The following GLYATL3 variants were observed in gnomAD, a reference collection of about 807,000 sequenced individuals.
GLYATL3 encodes glycine N-acyltransferase-like protein 3.
GLYATL3 carries 31 observed loss-of-function variants against 28.5 expected under a neutral mutation model. That is an observed-to-expected ratio of 1.09 (90% CI 0.82 to 1.47). GLYATL3 has a LOEUF of 1.47. Ranked by LOEUF, GLYATL3 falls within the 40% of genes most tolerant of loss-of-function variation. GLYATL3 has a pLI of 0.00. For missense variants in GLYATL3, 369 were observed against 351.5 expected, an observed-to-expected ratio of 1.05 and a Z score of -0.40; for synonymous variants, 141 against 140.2, an observed-to-expected ratio of 1.01 and a Z score of -0.04.
At chr6:49,526,089 A>T (rs911559666) in intron 5 of GLYATL3, among the ~76,000 whole-genome samples, 3 of 152,168 alleles carry the variant, frequency 2.0e-5, no homozygotes, top group Non-Finnish European at 2.9e-5. Context: ...GTGCCCTCTC[A>T]GGGATGGTTT....
chr6:49,501,426 A>C (rs917542555), intron 1 of GLYATL3, among the ~76,000 whole-genome samples: 1 of 152,182 alleles, frequency 6.6e-6, no homozygotes, highest in Non-Finnish European at 1.5e-5. Flanking sequence ...ACCAGCATTT[A>C]TTATTAAGTT....
In GLYATL3 at chr6:49,521,661, A is replaced by C. The variant is rs1231627638; in HGVS notation, c.330A>C (p.Leu110Phe). ...TATACACAGGGCTGCAGAGTGAGTT[A>C]TATGATGTTTCCAAAGCGGTTGCCA... ...VFQIQGLQSE[L>F]YDVSKAVANS... The change falls in exon 5 of 6, where the codon TTA becomes TTC. Residue 110 changes from leucine (L) to phenylalanine (F), a missense_variant. Physicochemically the swap from Leu to Phe is conservative, Grantham distance 22 (BLOSUM62 0). Transcript: ENST00000371197. 1.3e-6 allele frequency: 2 copies of C among 1,551,010 alleles called. No homozygotes were observed.
intron 3 of GLYATL3, 41 bp downstream of exon 3, chr6:49,515,801 T>C (rs1211942628): frequency 8.4e-7 from 1 of 1,193,428 alleles, no homozygotes; most frequent in Admixed American, 2.0e-5. Context: ...ATAATAAGAA[T>C]TGGAAAGAAA....
intron 1 of GLYATL3, among the ~76,000 whole-genome samples, chr6:49,511,232 G>A (rs1175379739): frequency 2.6e-5 from 4 of 152,124 alleles, no homozygotes; most frequent in Admixed American, 6.5e-5. Flanking sequence ...CAAAGCAGGC[G>A]AGGTGAAGCC....
intron 5 of GLYATL3, 130 bp downstream of exon 5, chr6:49,521,901 G>C: frequency 2.7e-6 from 2 of 739,946 alleles, no homozygotes; most frequent in Non-Finnish European, 4.4e-6. Flanking sequence ...GAGCACAAAC[G>C]GGAGTATGTG....
At chr6:49,504,240 C>CTTT (rs59768534) in intron 1 of GLYATL3, among the ~76,000 whole-genome samples, 23 of 139,296 alleles carry the variant, frequency 1.7e-4, no homozygotes, top group South Asian at 9.3e-4. Context: ...TTTTCTTTTT[C>CTTT]TTTTTTTTTT....
rs910601454 is a variant in GLYATL3 at position 49,500,839 on chromosome 6, T to G, written c.-29+797T>G. 2.0e-5 allele frequency among the ~76,000 whole-genome samples: 3 copies of G among 152,160 alleles called. No individual in the cohort carries two copies. The East Asian group carries it at 5.8e-4, about 29-fold the overall frequency. The stretch of plus-strand genomic sequence containing the variant: ...ATGACTCTCTAACATGTTACAAAAA[T>G]GTGTAGAAAATATTTTCTGCATCAA... On this transcript the variant is annotated intron_variant, in intron 1 of 5. Coordinates refer to ENST00000371197, the MANE Select transcript of GLYATL3 (RefSeq NM_001010904.2).
At chr6:49,508,105 G>A (rs1195515269) in intron 1 of GLYATL3, among the ~76,000 whole-genome samples, 2 of 152,018 alleles carry the variant, frequency 1.3e-5, no homozygotes, top group African/African-American at 4.8e-5. Context: ...GACCATCCTG[G>A]CTAACATGGT....
At chr6:49,521,002 C>A (rs141394783) in intron 4 of GLYATL3, among the ~76,000 whole-genome samples, 1,875 of 152,246 alleles carry the variant, frequency 0.012, 27 homozygotes, top group Middle Eastern at 0.037. Flanking sequence ...GGCAAGAGAG[C>A]AAGACCCTGT....
At chr6:49,521,916 A>AGT (rs1019236697) in intron 5 of GLYATL3, 145 bp downstream of exon 5, 55 of 644,538 alleles carry the variant, frequency 8.5e-5, no homozygotes, top group African/African-American at 4.6e-4. Flanking sequence ...TATGTGTGTG[A>AGT]GTGTGTGTGT....
intron 1 of GLYATL3, among the ~76,000 whole-genome samples, chr6:49,511,442 CTT>C (rs1769120610): frequency 6.6e-6 from 1 of 152,164 alleles, no homozygotes; most frequent in Admixed American, 6.5e-5. Flanking sequence ...TTTCTCTAGT[CTT>C]TGCCCCACAT....
At chr6:49,508,008 A>G (rs1201875187) in intron 1 of GLYATL3, among the ~76,000 whole-genome samples, 1 of 152,194 alleles carries the variant, frequency 6.6e-6, no homozygotes, top group Non-Finnish European at 1.5e-5. Context: ...TTTACAATAT[A>G]GCGTGTGCAT....
intron 2 of GLYATL3, among the ~76,000 whole-genome samples, chr6:49,512,920 C>T (rs139518590): frequency 0.011 from 1,661 of 152,282 alleles, 14 homozygotes; most frequent in South Asian, 0.017. Flanking sequence ...CATGCTTAAA[C>T]TGTATGTGGT....
chr6:49,513,891 G>T lies in GLYATL3; in HGVS notation c.79-1762G>T, dbSNP rs987694418. ...AAGCAGAGGCAGTAGGTTCATTTGA[G>T]CCCAGGAGTTCAAGGCCAGCAAGGT... On this transcript the variant is annotated intron_variant, in intron 2 of 5. Coordinates refer to ENST00000371197, the MANE Select transcript of GLYATL3 (RefSeq NM_001010904.2). 7.9e-5 allele frequency among the ~76,000 whole-genome samples: 12 copies of T among 152,132 alleles called. 1 individual carries two copies. Among genetic ancestry groups the T allele is most frequent in the African/African-American group, 2.2e-4 (9 of 41,422 alleles).
intron 1 of GLYATL3, among the ~76,000 whole-genome samples, chr6:49,502,047 C>CA (rs1470473477): frequency 6.6e-6 from 1 of 152,318 alleles, no homozygotes; most frequent in East Asian, 1.9e-4. Flanking sequence ...CACAATCCTG[C>CA]ATGCAATTTT....
chr6:49,508,321 A>G (rs1478226118), intron 1 of GLYATL3, among the ~76,000 whole-genome samples: 8 of 152,168 alleles, frequency 5.3e-5, no homozygotes, highest in Non-Finnish European at 1.0e-4. Flanking sequence ...CAACAACAAC[A>G]ACAACAAAAA....
In GLYATL3 at chr6:49,525,240, T is replaced by C. The variant is rs556949248; in HGVS notation, c.441-1248T>C. Reference sequence around the variant, plus strand: ...TTGTTGTTGTTGTTTACAGAAAGTGTTAAAAGAAAAACTTTAGACAGATTA... The same window carrying C: ...TTGTTGTTGTTGTTTACAGAAAGTGCTAAAAGAAAAACTTTAGACAGATTA... On this transcript the variant is annotated intron_variant, in intron 5 of 5. Transcript: ENST00000371197. Among the ~76,000 whole-genome samples, 279 of 151,734 alleles carry C rather than the reference T, an allele frequency of 1.8e-3. 1 individual carries two copies. Among genetic ancestry groups the C allele is most frequent in the African/African-American group, 6.0e-3 (247 of 41,378 alleles).
At chr6:49,509,992 TTCTTTCTTTC>T (rs1414310182) in intron 1 of GLYATL3, among the ~76,000 whole-genome samples, 3 of 140,528 alleles carry the variant, frequency 2.1e-5, no homozygotes, top group Admixed American at 1.5e-4. Context: ...CTTTCTTTCT[TTCTTTCTTTC>T]TCTTTCTTTC....
intron 4 of GLYATL3, among the ~76,000 whole-genome samples, chr6:49,520,469 C>A (rs1339262826): frequency 3.3e-5 from 5 of 152,164 alleles, no homozygotes; most frequent in African/African-American, 1.2e-4. Flanking sequence ...AGGCTTAACT[C>A]CCTGAGGGAG....
Sources: gnomAD v4.1 joint callset for allele counts (sites outside exome capture counted in the v4.1 genomes callset) on GRCh38, gnomAD v4.1.1 for gene constraint, MANE v1.5 for transcripts, NCBI Gene and HGNC (gene_info 2026-07-23, HGNC 2026-07-21) for gene names.